Variants in MPPED2 observed in about 807,000 individuals in gnomAD.
MPPED2 encodes the protein metallophosphoesterase MPPED2.
A neutral mutation model predicts 33.0 loss-of-function variants in MPPED2; 5 were observed. That is an observed-to-expected ratio of 0.15 (90% confidence interval 0.08 to 0.32). MPPED2 has a LOEUF of 0.32. Ranked by LOEUF, MPPED2 falls within the 10% of genes least tolerant of loss-of-function variation. The pLI is 1.00. For synonymous variants in MPPED2, 136 were observed against 141.9 expected, an observed-to-expected ratio of 0.96 and a Z score of 0.29; for missense variants, 275 against 372.1, an observed-to-expected ratio of 0.74 and a Z score of 2.15.
At chr11:30,543,175 A>G (rs1271139266) in intron 2 of MPPED2, among the ~76,000 whole-genome samples, 7 of 152,232 alleles carry the variant, frequency 4.6e-5, no homozygotes, top group African/African-American at 1.7e-4. Flanking sequence ...GTTTTTTAAA[A>G]TGCTGATAAA....
At chr11:30,427,603 T>G (rs1037384824) in intron 4 of MPPED2, among the ~76,000 whole-genome samples, 6 of 151,822 alleles carry the variant, frequency 4.0e-5, no homozygotes, top group African/African-American at 1.5e-4. Flanking sequence ...TCAGCTGAAT[T>G]AAGAATGAAT....
intron 4 of MPPED2, among the ~76,000 whole-genome samples, chr11:30,432,261 A>C (rs900796647): frequency 1.3e-5 from 2 of 152,140 alleles, no homozygotes; most frequent in Non-Finnish European, 2.9e-5. Context: ...TGTCTTAAAG[A>C]GATGCTGATG....
chr11:30,586,670 A>G (rs1957479611), upstream of MPPED2: 1 of 152,262 alleles, frequency 6.6e-6, no homozygotes, highest in African/African-American at 2.4e-5. This position sits in a 1 kb window ranked among gnomAD's most constrained non-coding sequence, Gnocchi z 4.8. Flanking sequence ...GTGCCCCAGG[A>G]AAAGAAGGGA....
intron 4 of MPPED2, among the ~76,000 whole-genome samples, chr11:30,442,194 C>T (rs145676049): frequency 3.3e-5 from 5 of 152,122 alleles, no homozygotes; most frequent in African/African-American, 4.8e-5. Context: ...TCTGAAACTC[C>T]GGAAGGAGAA....
At chr11:30,441,620 T>A (rs2133900138) in intron 4 of MPPED2, among the ~76,000 whole-genome samples, 1 of 152,336 alleles carries the variant, frequency 6.6e-6, no homozygotes, top group South Asian at 2.1e-4. Flanking sequence ...ATTCTGTGGT[T>A]TAGGCTCATA....
chr11:30,387,042 C>T, exon 7 of MPPED2: 1 of 342,294 alleles, frequency 2.9e-6, no homozygotes, highest in Non-Finnish European at 5.2e-6. Flanking sequence ...AACCTGGGAG[C>T]ATCTAACTGC....
chr11:30,546,423 A>C (rs1955430018), intron 2 of MPPED2, among the ~76,000 whole-genome samples: 1 of 152,040 alleles, frequency 6.6e-6, no homozygotes, highest in African/African-American at 2.4e-5. Context: ...ACTCTACAAG[A>C]TTTCTTTTTT....
At chr11:30,527,103 T>C (rs1954237574) in intron 3 of MPPED2, among the ~76,000 whole-genome samples, 2 of 151,900 alleles carry the variant, frequency 1.3e-5, no homozygotes, top group Admixed American at 1.3e-4. Context: ...TTTTTTTTTG[T>C]ATTTTTTCAG....
intron 2 of MPPED2, among the ~76,000 whole-genome samples, chr11:30,566,690 G>A (rs1956457601): frequency 6.6e-6 from 1 of 152,132 alleles, no homozygotes; most frequent in South Asian, 2.1e-4. Flanking sequence ...AGAGTCTCCA[G>A]AACATGCCTA....
chr11:30,539,835 C>T (rs998549180), intron 2 of MPPED2, among the ~76,000 whole-genome samples: 20 of 152,088 alleles, frequency 1.3e-4, no homozygotes, highest in Non-Finnish European at 2.8e-4. Context: ...GTTATGTTTC[C>T]TGGGCTAGTC....
intron 2 of MPPED2, among the ~76,000 whole-genome samples, chr11:30,570,293 T>C (rs569884113): frequency 1.3e-5 from 2 of 152,002 alleles, no homozygotes; most frequent in Non-Finnish European, 2.9e-5. Context: ...TGGGGCCTCT[T>C]TTATAAGGGT....
Position 30,481,003 on chromosome 11 carries a change from G to A in MPPED2, c.536+14293C>T, listed in dbSNP as rs115688435. On this transcript the variant is annotated intron_variant, in intron 4 of 6. Transcript: ENST00000358117. ...GTAGAATAATTTTAATCTGTGGCAA[G>A]GTCATTTGGCACAAGGGAGGGTGGA... Among the ~76,000 whole-genome samples the A allele has an allele frequency of 7.5e-3, 1,134 of 152,170 alleles. 18 individuals are homozygous for A. The highest frequency in any genetic ancestry group is 0.024 in the African/African-American group (995 of 41,530).
chr11:30,571,366 G>A (rs553583494), intron 2 of MPPED2, among the ~76,000 whole-genome samples: 24 of 152,010 alleles, frequency 1.6e-4, no homozygotes, highest in Non-Finnish European at 3.1e-4. Flanking sequence ...AAGAAAAATA[G>A]AATAAAAATA....
intron 6 of MPPED2, among the ~76,000 whole-genome samples, chr11:30,393,433 T>G (rs1947803842): frequency 6.6e-6 from 1 of 152,146 alleles, no homozygotes; most frequent in African/African-American, 2.4e-5. Context: ...TAAGAGATTT[T>G]CCATAGAAAA....
At chr11:30,407,734 G>A (rs1025010144), downstream of MPPED2, among the ~76,000 whole-genome samples, 7 of 152,044 alleles carry the variant, frequency 4.6e-5, no homozygotes, top group South Asian at 2.1e-4. Context: ...AGCTGGGCGC[G>A]GTGGCACGAG....
At chr11:30,395,004 G>A (rs116508235) in intron 6 of MPPED2, among the ~76,000 whole-genome samples, 37 of 152,208 alleles carry the variant, frequency 2.4e-4, no homozygotes, top group African/African-American at 8.2e-4. Context: ...AAACCAATTC[G>A]TCATACTTGT....
At position 30,499,047 on chromosome 11, in the gene MPPED2, G is replaced by A. The variant is rs116484742; in HGVS notation, c.311-3526C>T. Among the ~76,000 whole-genome samples, 223 of 152,252 alleles carry A rather than the reference G, an allele frequency of 1.5e-3. 1 individual carries two copies. The highest frequency in any genetic ancestry group is 4.3e-3 in the African/African-American group (179 of 41,568). Reference sequence around the variant, plus strand: ...AACAGGGTCCTCGCTGCTACTTGACGTTCTAAGTGCCCCACACTCCAGCCA... The same window carrying A: ...AACAGGGTCCTCGCTGCTACTTGACATTCTAAGTGCCCCACACTCCAGCCA... On this transcript the variant is annotated intron_variant, in intron 3 of 6. Transcript: ENST00000358117.
At chr11:30,427,421 A>T (rs1445566026) in intron 4 of MPPED2, among the ~76,000 whole-genome samples, 1 of 152,226 alleles carries the variant, frequency 6.6e-6, no homozygotes, top group African/African-American at 2.4e-5. Flanking sequence ...ACAGTTGGGG[A>T]GCATTTTACT....
chr11:30,585,957 T>C (rs1957450382), intron 1 of MPPED2, 85 bp downstream of exon 1: 2 of 152,332 alleles, frequency 1.3e-5, no homozygotes, highest in Non-Finnish European at 2.9e-5. Context: ...TGCATTTTTT[T>C]CCCTTCCTCT....
Sources: allele counts gnomAD v4.1 joint callset (sites outside exome capture counted in the v4.1 genomes callset), GRCh38; gene constraint gnomAD v4.1.1; non-coding constraint Gnocchi (gnomAD v3.1); transcripts MANE v1.5; gene names NCBI Gene and HGNC (gene_info 2026-07-23, HGNC 2026-07-21).